The following CLVS1 variants were observed in gnomAD, a reference collection of about 807,000 sequenced individuals.
CLVS1 encodes the protein clavesin-1.
Under a neutral mutation model 33.1 loss-of-function variants are expected in CLVS1, and 10 were observed. That is an observed-to-expected ratio of 0.30 (90% confidence interval 0.19 to 0.51). The LOEUF (loss-of-function observed/expected upper bound fraction) is 0.51. CLVS1 is among the 20% of genes least tolerant of loss of function. CLVS1 has a pLI of 0.97. For missense variants in CLVS1, 343 were observed against 433.4 expected (o/e 0.79, Z 1.85); for synonymous variants, 163 against 166.1 (o/e 0.98, Z 0.14).
At chr8:61,480,788 T>A (rs1217494777) in intron 5 of CLVS1, among the ~76,000 whole-genome samples, 2 of 152,028 alleles carry the variant, frequency 1.3e-5, no homozygotes, top group African/African-American at 4.8e-5. Flanking sequence ...TTAGGTAAGA[T>A]GATACAGACG....
At chr8:60,987,406 ATGG>A in the CLVS1 span, among the ~76,000 whole-genome samples, 1 of 152,160 alleles carries the variant, frequency 6.6e-6, no homozygotes, top group Non-Finnish European at 1.5e-5. Context: ...TTGAGTTGTG[ATGG>A]TTGAGTCTGG....
At chr8:61,067,902 A>G (rs1311258925) in intron 1 of CLVS1, among the ~76,000 whole-genome samples, 1 of 152,042 alleles carries the variant, frequency 6.6e-6, no homozygotes, top group African/African-American at 2.4e-5. Flanking sequence ...GATGGGATCA[A>G]CCATACCCCA....
At chr8:61,087,623 G>T (rs1359536236) in intron 1 of CLVS1, among the ~76,000 whole-genome samples, 1 of 152,106 alleles carries the variant, frequency 6.6e-6, no homozygotes, top group African/African-American at 2.4e-5. Context: ...TTGGATGAAC[G>T]TTGAAGATGC....
intron 3 of CLVS1, among the ~76,000 whole-genome samples, chr8:61,421,826 A>G (rs773820024): frequency 1.3e-5 from 2 of 151,934 alleles, no homozygotes; most frequent in Non-Finnish European, 2.9e-5. Context: ...GCCAATTGCT[A>G]CTTCACCTCT....
intron 3 of CLVS1, among the ~76,000 whole-genome samples, chr8:61,404,066 C>T (rs963049991): frequency 6.6e-6 from 1 of 152,152 alleles, no homozygotes; most frequent in Admixed American, 6.5e-5. Flanking sequence ...GAGCAGAACC[C>T]TGCCTGGAGT....
intron 1 of CLVS1, among the ~76,000 whole-genome samples, chr8:61,078,244 C>T (rs1050048429): frequency 1.3e-5 from 2 of 152,212 alleles, no homozygotes. Context: ...TTATGTTAAC[C>T]TGTCTGTGTG....
chr8:61,121,242 T>C (rs1248734094), intron 1 of CLVS1, among the ~76,000 whole-genome samples: 2 of 152,058 alleles, frequency 1.3e-5, no homozygotes, highest in African/African-American at 4.8e-5. Context: ...TCGCTCACGG[T>C]GCGCGCACCC....
chr8:61,275,636 C>G (rs114807373), intron 2 of CLVS1, among the ~76,000 whole-genome samples: 1 of 152,190 alleles, frequency 6.6e-6, no homozygotes, highest in Admixed American at 6.5e-5. Flanking sequence ...AGGGAGAAAG[C>G]TGAGTTGTGA....
chr8:61,228,393 G>A (rs933481579), intron 2 of CLVS1, among the ~76,000 whole-genome samples: 1 of 152,088 alleles, frequency 6.6e-6, no homozygotes, highest in Non-Finnish European at 1.5e-5. Context: ...TTATGATGGG[G>A]TTAGATTCAG....
intron 2 of CLVS1, among the ~76,000 whole-genome samples, chr8:61,232,973 A>G (rs919363424): frequency 6.6e-6 from 1 of 152,310 alleles, no homozygotes; most frequent in South Asian, 2.1e-4. Flanking sequence ...AAACCATATA[A>G]CCATATAAAA....
intron 2 of CLVS1, among the ~76,000 whole-genome samples, chr8:61,164,180 T>C (rs1467272536): frequency 2.6e-5 from 4 of 152,222 alleles, no homozygotes; most frequent in African/African-American, 7.2e-5. Context: ...TAAAGGCCTG[T>C]GTTTAAAGAT....
At chr8:61,358,501 C>G (rs1812840421) in intron 2 of CLVS1, among the ~76,000 whole-genome samples, 1 of 152,222 alleles carries the variant, frequency 6.6e-6, no homozygotes, top group Non-Finnish European at 1.5e-5. Context: ...GTAAGTCCCA[C>G]ATTTGATCAG....
At chr8:61,153,638 G>A (rs1460319903) in intron 2 of CLVS1, among the ~76,000 whole-genome samples, 2 of 152,202 alleles carry the variant, frequency 1.3e-5, no homozygotes, top group Non-Finnish European at 2.9e-5. Flanking sequence ...CTGGGACCCA[G>A]CACAGCCCAC....
chr8:61,304,985 C>T (rs1170403754), intron 2 of CLVS1, among the ~76,000 whole-genome samples: 1 of 152,044 alleles, frequency 6.6e-6, no homozygotes, highest in Non-Finnish European at 1.5e-5. Context: ...ACTCTGAACC[C>T]CGATGGCCAG....
chr8:61,035,879 TA>T, the CLVS1 span, among the ~76,000 whole-genome samples: 1 of 152,210 alleles, frequency 6.6e-6, no homozygotes, highest in East Asian at 1.9e-4. Context: ...ACATCCATAA[TA>T]AAAACATATT....
chr8:61,499,366 G>GAAAAAT (rs78360836), intron 5 of CLVS1, 89 bp from the exon 6 acceptor site: 14 of 854,352 alleles, frequency 1.6e-5, no homozygotes, highest in Non-Finnish European at 2.6e-5. Context: ...ATTAAAAAGA[G>GAAAAAT]AAATATAAAA....
the CLVS1 span, chr8:60,967,552 C>A: frequency 2.3e-6 from 1 of 433,302 alleles, no homozygotes; most frequent in South Asian, 1.6e-5. Flanking sequence ...GTGGGTGAAG[C>A]AGGGTGCAGT....
At chr8:61,271,704 T>C (rs1460865356) in intron 2 of CLVS1, among the ~76,000 whole-genome samples, 2 of 108,278 alleles carry the variant, frequency 1.8e-5, no homozygotes, top group Admixed American at 9.0e-5. Flanking sequence ...TGCTCCTGTA[T>C]TGGGTGCATA....
intron 1 of CLVS1, among the ~76,000 whole-genome samples, chr8:61,288,622 G>C (rs1809863712): frequency 6.6e-6 from 1 of 152,248 alleles, no homozygotes; most frequent in East Asian, 1.9e-4. Flanking sequence ...GCACTTGCCA[G>C]ACACCAGCAG....
Sources: gnomAD v4.1 joint callset for allele counts (sites outside exome capture counted in the v4.1 genomes callset) on GRCh38, gnomAD v4.1.1 for gene constraint, MANE v1.5 for transcripts, NCBI Gene and HGNC (gene_info 2026-07-23, HGNC 2026-07-21) for gene names.